The following DNAAF4 variants were observed in gnomAD, a reference collection of about 807,000 sequenced individuals.
DNAAF4 encodes dynein axonemal assembly factor 4.
A neutral mutation model predicts 51.8 loss-of-function variants in DNAAF4; 43 were observed. That is an observed-to-expected ratio of 0.83 (90% CI 0.65 to 1.07). The LOEUF (loss-of-function observed/expected upper bound fraction) is 1.07. DNAAF4 is among the 50% of genes least tolerant of loss of function. DNAAF4 has a pLI of 0.00. For missense variants in DNAAF4, 581 were observed against 493.0 expected (o/e 1.18, Z -1.69); for synonymous variants, 194 against 165.6 (o/e 1.17, Z -1.32).
chr15:55,445,547 G>A (rs942895972), intron 6 of DNAAF4, among the ~76,000 whole-genome samples: 2 of 152,096 alleles, frequency 1.3e-5, no homozygotes, highest in African/African-American at 2.4e-5. Flanking sequence ...CTCGATGGTC[G>A]CTGTCTCTTC....
At chr15:55,444,561 T>A (rs1330353919) in intron 6 of DNAAF4, among the ~76,000 whole-genome samples, 4 of 151,234 alleles carry the variant, frequency 2.6e-5, no homozygotes, top group Non-Finnish European at 4.5e-5. Flanking sequence ...TTTAAAGTAG[T>A]TTGTTTTCCA....
intron 4 of DNAAF4, among the ~76,000 whole-genome samples, chr15:55,480,787 C>G (rs1210641287): frequency 6.6e-6 from 1 of 152,186 alleles, no homozygotes; most frequent in African/African-American, 2.4e-5. Flanking sequence ...GTATGCCTTA[C>G]AAAATCAGGT....
chr15:55,418,055 C>G, exon 8 of DNAAF4: 3 of 1,393,214 alleles, frequency 2.2e-6, no homozygotes, highest in Non-Finnish European at 3.0e-6. Context: ...TGGATGTATA[C>G]GTGCAGGTCA....
chr15:55,469,318 G>A (rs986059503), intron 4 of DNAAF4, among the ~76,000 whole-genome samples: 55 of 150,326 alleles, frequency 3.7e-4, no homozygotes, highest in African/African-American at 1.1e-3. Flanking sequence ...GGACAAGAGC[G>A]AGGCTCCTCT....
At chr15:55,446,496 G>GGT in intron 6 of DNAAF4, among the ~76,000 whole-genome samples, 1 of 144,592 alleles carries the variant, frequency 6.9e-6, no homozygotes, top group African/African-American at 2.6e-5. Context: ...ATCCTAGACG[G>GGT]GGTGGCCAGG....
intron 7 of DNAAF4, among the ~76,000 whole-genome samples, chr15:55,436,104 G>A (rs2057605510): frequency 6.6e-6 from 1 of 151,964 alleles, no homozygotes; most frequent in African/African-American, 2.4e-5. Context: ...TTACTTTTTT[G>A]GGAACCACAA....
chr15:55,426,284 G>A (rs1037201933), downstream of DNAAF4, among the ~76,000 whole-genome samples: 7 of 152,122 alleles, frequency 4.6e-5, no homozygotes, highest in East Asian at 1.9e-4. Flanking sequence ...AACTTCCAAC[G>A]GCATGACTCC....
At chr15:55,452,754 C>T (rs548090765) in intron 5 of DNAAF4, among the ~76,000 whole-genome samples, 1 of 152,166 alleles carries the variant, frequency 6.6e-6, no homozygotes, top group Non-Finnish European at 1.5e-5. Context: ...CATCATCGAA[C>T]TTAAAGCCAG....
chr15:55,492,202 G>A (rs1423079832), intron 3 of DNAAF4, among the ~76,000 whole-genome samples: 2 of 95,342 alleles, frequency 2.1e-5, no homozygotes, highest in Non-Finnish European at 4.3e-5. Flanking sequence ...TTCACAAACT[G>A]AAGACTACGA....
At chr15:55,503,329 C>T (rs1315549140) in intron 1 of DNAAF4, among the ~76,000 whole-genome samples, 4 of 152,108 alleles carry the variant, frequency 2.6e-5, no homozygotes, top group Non-Finnish European at 5.9e-5. Context: ...GATTCAGAGC[C>T]GAATTCTACT....
At chr15:55,503,731 A>G (rs540100394) in intron 1 of DNAAF4, among the ~76,000 whole-genome samples, 1 of 152,336 alleles carries the variant, frequency 6.6e-6, no homozygotes, top group South Asian at 2.1e-4. Context: ...ATAGCCTTTC[A>G]TGCTAAAAAC....
chr15:55,500,992 CAAA>C lies in DNAAF4; in HGVS notation c.-255-2411_-255-2409del, dbSNP rs111778667. On this transcript the variant is annotated intron_variant, in intron 1 of 9. Coordinates refer to ENST00000321149, the MANE Select transcript of DNAAF4 (RefSeq NM_130810.4). Reference sequence around the variant, plus strand: ...GAGCAACAAGAGTGAAACTGAGTCTCAAAAAAAAAAAAAAAAAAAAATGGAAAC... The same window carrying C: ...GAGCAACAAGAGTGAAACTGAGTCTCAAAAAAAAAAAAAAAAAATGGAAAC... 8.1e-3 allele frequency among the ~76,000 whole-genome samples: 531 copies of C among 65,948 alleles called. 3 individuals carry two copies. The highest frequency in any genetic ancestry group is 0.018 in the Middle Eastern group (2 of 114). 43.3% of individuals were successfully genotyped at this position (65,948 alleles called of 152,430 possible). A position where few individuals can be genotyped will look rare whatever the true frequency, so the allele number is the denominator to read the frequency against.
chr15:55,474,753 C>T (rs141699416), intron 4 of DNAAF4, among the ~76,000 whole-genome samples: 9,906 of 151,780 alleles, frequency 0.065, 363 homozygotes, highest in East Asian at 0.18. Flanking sequence ...TTGAGGTGGG[C>T]GGATTACCTG....
At chr15:55,492,178 A>T (rs910579554) in intron 3 of DNAAF4, among the ~76,000 whole-genome samples, 9 of 149,168 alleles carry the variant, frequency 6.0e-5, no homozygotes, top group Non-Finnish European at 8.9e-5. Context: ...TTTATATTTG[A>T]TGTGGCCCAA....
chr15:55,443,104 G>T (rs2057740051), intron 6 of DNAAF4: 1 of 1,610,378 alleles, frequency 6.2e-7, no homozygotes, highest in Non-Finnish European at 8.5e-7. Flanking sequence ...AATCCTTTCA[G>T]TAGGTGTACG....
intron 5 of DNAAF4, among the ~76,000 whole-genome samples, chr15:55,452,234 C>A: frequency 1.2e-5 from 1 of 83,596 alleles, no homozygotes; most frequent in South Asian, 4.5e-4. Context: ...GACAACAGAG[C>A]ATGTCTCACT....
intron 1 of DNAAF4, among the ~76,000 whole-genome samples, chr15:55,500,394 C>T: frequency 6.6e-6 from 1 of 152,158 alleles, no homozygotes; most frequent in East Asian, 1.9e-4. Flanking sequence ...CATTTTCCCC[C>T]TTTTGTTCTA....
intron 3 of DNAAF4, among the ~76,000 whole-genome samples, chr15:55,497,249 T>C (rs2058652587): frequency 6.6e-6 from 1 of 152,094 alleles, no homozygotes; most frequent in African/African-American, 2.4e-5. Flanking sequence ...TGTCAATCCT[T>C]CTGTTGTTAG....
At chr15:55,455,788 C>G (rs1269866100) in intron 5 of DNAAF4, among the ~76,000 whole-genome samples, 3 of 152,104 alleles carry the variant, frequency 2.0e-5, no homozygotes, top group African/African-American at 7.2e-5. Context: ...AGACATATGA[C>G]CTGGTGGAAA....
Sources: gnomAD v4.1 joint callset for allele counts (sites outside exome capture counted in the v4.1 genomes callset) on GRCh38, gnomAD v4.1.1 for gene constraint, MANE v1.5 for transcripts, NCBI Gene and HGNC (gene_info 2026-07-23, HGNC 2026-07-21) for gene names.